NDRG1: variants seen among roughly 807,000 people sequenced by gnomAD.
The protein encoded by NDRG1 is N-myc downstream regulated 1.
Under a neutral mutation model 56.9 loss-of-function variants are expected in NDRG1, and 32 were observed. The ratio of observed to expected loss-of-function variants is 0.56; its 90% CI spans 0.42 to 0.76. The LOEUF is 0.76. Ranked by LOEUF, NDRG1 falls within the 30% of genes least tolerant of loss-of-function variation. The probability of loss-of-function intolerance (pLI) is 0.00; values close to 1 mark genes in which losing one functional copy is unlikely to be tolerated. For missense variants in NDRG1, 507 were observed against 545.7 expected (o/e 0.93, Z 0.71); for synonymous variants, 211 against 204.1 (o/e 1.03, Z -0.29).
At position 133,256,930 on chromosome 8, in the gene NDRG1, C is replaced by A. The variant is rs1419128804; in HGVS notation, c.451-67G>T. On this transcript the variant is annotated intron_variant, in intron 7 of 15. Transcript: ENST00000323851. ...CTGAAACACTAGGAACTTTCCAAGG[C>A]AAACCAAAGCTTGAGAGAAGTACCC... 3 of 1,472,834 alleles carry A rather than the reference C, an allele frequency of 2.0e-6. No individual in the cohort carries two copies. In the Admixed American group the frequency reaches 5.5e-5, roughly 27 times the overall value. The allele number at this position is 1,472,834 out of a possible 1,614,324, so 91.2% of individuals were successfully genotyped here. A position where few individuals can be genotyped will look rare whatever the true frequency, so the allele number is the denominator to read the frequency against.
chr8:133,269,670 GTTTCACAT>G (rs1308502290), intron 3 of NDRG1, among the ~76,000 whole-genome samples: 1 of 152,198 alleles, frequency 6.6e-6, no homozygotes, highest in African/African-American at 2.4e-5. Context: ...TTAACATCCT[GTTTCACAT>G]TCTGTGCCGG....
Position 133,244,385 on chromosome 8 carries a change from C to T in NDRG1, c.861G>A (p.Ala287=), listed in dbSNP as rs150101908. The change falls in exon 14 of 16, where the codon GCG becomes GCA. Residue 287 remains alanine, a synonymous_variant. Transcript: ENST00000323851. ...DPTKTTLLKM[A]DCGGLPQISQ... ...AGATCTGCGGGAGGCCGCCACAGTC[C>T]GCCATCTAGGAGAGAGGGAAGCTCG... 3.9e-5 allele frequency: 63 copies of T among 1,614,232 alleles called. No individual in the cohort carries two copies. Among genetic ancestry groups the T allele is most frequent in the Admixed American group, 1.2e-4 (7 of 60,028 alleles).
intron 9 of NDRG1, among the ~76,000 whole-genome samples, chr8:133,251,454 A>C (rs76624703): frequency 0.016 from 2,489 of 152,314 alleles, 83 homozygotes; most frequent in African/African-American, 0.056. Context: ...TTTCAGATCA[A>C]AACCAACTAT....
chr8:133,292,352 G>A (rs552264070), intron 1 of NDRG1, among the ~76,000 whole-genome samples: 50 of 152,268 alleles, frequency 3.3e-4, no homozygotes, highest in South Asian at 3.1e-3. Flanking sequence ...ATGGGCCTCC[G>A]ATCTTGTCTA....
chr8:133,294,034 T>C (rs144263313), intron 1 of NDRG1, among the ~76,000 whole-genome samples: 120 of 152,350 alleles, frequency 7.9e-4, no homozygotes, highest in African/African-American at 2.4e-3. Context: ...CTCAGTGCTG[T>C]TCTCAGGTTA....
intron 3 of NDRG1, among the ~76,000 whole-genome samples, chr8:133,276,361 C>T (rs973801424): frequency 6.6e-6 from 1 of 152,212 alleles, no homozygotes; most frequent in Admixed American, 6.5e-5. Flanking sequence ...ATAAACTATG[C>T]TTTCTAGGTT....
At chr8:133,274,428 A>G (rs1315982948) in intron 3 of NDRG1, among the ~76,000 whole-genome samples, 2 of 152,258 alleles carry the variant, frequency 1.3e-5, no homozygotes, top group African/African-American at 4.8e-5. Flanking sequence ...TCAAGGAATG[A>G]CATCGGCTGC....
intron 3 of NDRG1, among the ~76,000 whole-genome samples, chr8:133,273,237 G>A (rs1358430757): frequency 7.4e-6 from 1 of 135,292 alleles, no homozygotes; most frequent in East Asian, 2.6e-4. Context: ...CCAGGTGGAG[G>A]GAATTAGAAG....
intron 8 of NDRG1, chr8:133,255,069 A>G (rs1354648766): frequency 1.8e-5 from 6 of 337,716 alleles, no homozygotes; most frequent in South Asian, 9.3e-5. Context: ...GACACTGACA[A>G]TCTTCTTTTC....
At chr8:133,249,647 C>T (rs1318426020) in intron 10 of NDRG1, among the ~76,000 whole-genome samples, 1 of 152,202 alleles carries the variant, frequency 6.6e-6, no homozygotes, top group Non-Finnish European at 1.5e-5. Flanking sequence ...CTCCAGTTCT[C>T]AGAAAGTGTT....
chr8:133,275,594 C>A (rs1450492106), intron 3 of NDRG1, among the ~76,000 whole-genome samples: 2 of 152,148 alleles, frequency 1.3e-5, no homozygotes, highest in Admixed American at 6.5e-5. Flanking sequence ...CCCAGCCATG[C>A]CCTATCCCAT....
At chr8:133,261,053 T>C (rs930627156) in intron 5 of NDRG1, among the ~76,000 whole-genome samples, 7 of 152,196 alleles carry the variant, frequency 4.6e-5, no homozygotes, top group Admixed American at 2.0e-4. Context: ...CCAAAGAGGA[T>C]ACACGTCTCA....
intron 1 of NDRG1, among the ~76,000 whole-genome samples, chr8:133,294,675 G>C (rs1001703564): frequency 3.5e-4 from 53 of 152,032 alleles, no homozygotes; most frequent in Non-Finnish European, 6.0e-4. Flanking sequence ...CTGTCATGGG[G>C]GGGGGGCAGC....
intron 4 of NDRG1, 24 bp downstream of exon 4, chr8:133,264,523 G>C (rs1856817040): frequency 6.2e-7 from 1 of 1,605,468 alleles, no homozygotes; most frequent in South Asian, 1.1e-5. Context: ...GGCTGACAGG[G>C]AATCAGAGCT....
intron 3 of NDRG1, 146 bp from the exon 4 acceptor site, chr8:133,264,798 T>A (rs912474350): frequency 8.3e-6 from 6 of 720,476 alleles, no homozygotes; most frequent in Admixed American, 2.0e-5. Context: ...GCAGCAGCTC[T>A]CTCTGGCCAG....
At chr8:133,292,510 G>C (rs1858487080) in intron 1 of NDRG1, among the ~76,000 whole-genome samples, 1 of 152,172 alleles carries the variant, frequency 6.6e-6, no homozygotes, top group Non-Finnish European at 1.5e-5. Flanking sequence ...CCCTCCAGCA[G>C]AGGACAGCCA....
At chr8:133,273,171 A>G (rs1247729747) in intron 3 of NDRG1, among the ~76,000 whole-genome samples, 5 of 80,132 alleles carry the variant, frequency 6.2e-5, no homozygotes, top group African/African-American at 1.2e-4. Flanking sequence ...GTGAGCACAC[A>G]AACACAGATT....
chr8:133,252,903 G>A (rs570854490), intron 9 of NDRG1, among the ~76,000 whole-genome samples: 81 of 151,406 alleles, frequency 5.3e-4, no homozygotes, highest in Non-Finnish European at 1.1e-3. Context: ...TCCAGAGTGG[G>A]GCCTCTATTC....
At chr8:133,259,080 G>A (rs766044014) in intron 6 of NDRG1, 88 bp downstream of exon 6, 36 of 1,385,194 alleles carry the variant, frequency 2.6e-5, no homozygotes, top group Non-Finnish European at 3.6e-5. Context: ...AATTTTAGTG[G>A]TCAGTCCAGA....
Sources: allele counts gnomAD v4.1 joint callset (sites outside exome capture counted in the v4.1 genomes callset), GRCh38; gene constraint gnomAD v4.1.1; transcripts MANE v1.5; gene names NCBI Gene and HGNC (gene_info 2026-07-23, HGNC 2026-07-21).